Variants in TULP4 observed in about 807,000 individuals in gnomAD.
The protein encoded by TULP4 is tubby-related protein 4.
Under a neutral mutation model 129.0 loss-of-function variants are expected in TULP4, and 16 were observed. The ratio of observed to expected loss-of-function variants is 0.12; its 90% CI spans 0.08 to 0.19. The LOEUF is 0.19. TULP4 is among the 10% of genes least tolerant of loss of function. TULP4 has a pLI of 1.00. For missense variants in TULP4, 1,842 were observed against 2,059.1 expected (o/e 0.89, Z 2.04); for synonymous variants, 998 against 854.0 (o/e 1.17, Z -2.94).
At chr6:158,462,894 T>A (rs868316243) in intron 6 of TULP4, among the ~76,000 whole-genome samples, 1 of 151,720 alleles carries the variant, frequency 6.6e-6, no homozygotes, top group Non-Finnish European at 1.5e-5. Context: ...GGATTACAGG[T>A]GCCCGCCACC....
chr6:158,308,458 C>A (rs1453109044), upstream of TULP4, among the ~76,000 whole-genome samples: 2 of 151,970 alleles, frequency 1.3e-5, no homozygotes, highest in South Asian at 4.1e-4. Context: ...ACCTTTCCCC[C>A]CTTTCTATTC....
At position 158,449,061 on chromosome 6, in the gene TULP4, C is replaced by T. The variant is rs369225425; in HGVS notation, c.609C>T (p.His203=). 36 of 1,613,920 alleles carry T rather than the reference C, an allele frequency of 2.2e-5. No homozygotes were observed. The highest frequency in any genetic ancestry group is 9.3e-5 in the African/African-American group (7 of 74,928). Residue 203 remains histidine, a synonymous_variant, in exon 4 of 14, where the codon CAC becomes CAT. Coordinates refer to ENST00000367097, the MANE Select transcript of TULP4 (RefSeq NM_020245.5). Reference sequence around the variant, plus strand: ...ATTGCCACGGCAGAATGCTGGCCCACGTCCTCTTGCACGAGTCAGACGGTG... The same window carrying T: ...ATTGCCACGGCAGAATGCTGGCCCATGTCCTCTTGCACGAGTCAGACGGTG... ...VMDCHGRMLA[H]VLLHESDGVL...
intron 1 of TULP4, chr6:158,237,320 A>C (rs1054194418): frequency 6.2e-7 from 1 of 1,604,164 alleles, no homozygotes; most frequent in Non-Finnish European, 8.5e-7. Context: ...AACAGCCTTC[A>C]ACAAGAATAT....
chr6:158,374,057 T>C (rs923197020), intron 1 of TULP4, among the ~76,000 whole-genome samples: 1 of 152,248 alleles, frequency 6.6e-6, no homozygotes, highest in Non-Finnish European at 1.5e-5. Context: ...TCTTGACTTA[T>C]TTTAATAGTG....
In TULP4 at chr6:158,502,159, CCCTCCA is replaced by C; in HGVS notation, c.2499_2504del (p.Pro835_Pro836del). 6.3e-7 allele frequency: 1 copy of C among 1,582,190 alleles called. No homozygotes were observed. Among genetic ancestry groups the C allele is most frequent in the Non-Finnish European group, 8.6e-7 (1 of 1,164,704 alleles). On this transcript the variant is annotated inframe_deletion, in exon 13 of 14. Coordinates refer to ENST00000367097, the MANE Select transcript of TULP4 (RefSeq NM_020245.5). ...AGGAGGTCCAGGTGACGAAGATAAA[CCCTCCA>C]CCCCCGTACCCAGGAACCATCCCCG... is the stretch of plus-strand genomic sequence containing the variant.
At position 158,501,544 on chromosome 6, in the gene TULP4, G is replaced by T. The variant is rs909480534; in HGVS notation, c.2015-134G>T. On this transcript the variant is annotated intron_variant, in intron 12 of 13. Coordinates refer to ENST00000367097, the MANE Select transcript of TULP4 (RefSeq NM_020245.5). ...CGAGCAGGCCAGCTTTCCCCAAGCA[G>T]ACACGTCTCTGTCTCTGGCAATTTG... 3.4e-5 allele frequency: 30 copies of T among 892,474 alleles called. No homozygotes were observed. The Middle Eastern group carries it at 1.7e-3, about 51-fold the overall frequency. The allele number at this position is 892,474 out of a possible 1,614,324, so 55.3% of individuals were successfully genotyped here. A position where few individuals can be genotyped will look rare whatever the true frequency, so the allele number is the denominator to read the frequency against.
At chr6:158,300,094 C>G (rs933277102) in intron 1 of TULP4, among the ~76,000 whole-genome samples, 2 of 152,180 alleles carry the variant, frequency 1.3e-5, no homozygotes, top group African/African-American at 4.8e-5. Context: ...CGGCACAGAT[C>G]TCACCAGGTA....
intron 3 of TULP4, among the ~76,000 whole-genome samples, chr6:158,439,692 TAG>T (rs1470396745): frequency 2.1e-5 from 3 of 144,320 alleles, no homozygotes; most frequent in Non-Finnish European, 4.5e-5. Flanking sequence ...GCTCTTGTAC[TAG>T]AGTTTCTTTT....
chr6:158,297,070 G>A (rs555566841), intron 1 of TULP4, among the ~76,000 whole-genome samples: 75 of 152,250 alleles, frequency 4.9e-4, no homozygotes, highest in African/African-American at 1.8e-3. Context: ...TACTGCAGGA[G>A]ACCAGAGTGT....
At chr6:158,286,734 A>G (rs576475477) in intron 1 of TULP4, among the ~76,000 whole-genome samples, 4 of 152,316 alleles carry the variant, frequency 2.6e-5, no homozygotes, top group African/African-American at 7.2e-5. Context: ...ATTATGCTCT[A>G]TGGGTTTATT....
chr6:158,256,352 T>C (rs1160703453), intron 1 of TULP4, among the ~76,000 whole-genome samples: 1 of 152,194 alleles, frequency 6.6e-6, no homozygotes, highest in Non-Finnish European at 1.5e-5. Flanking sequence ...ACGTGGTATG[T>C]ATACTAACAT....
chr6:158,352,571 A>G (rs1780550492), intron 1 of TULP4, among the ~76,000 whole-genome samples: 2 of 151,968 alleles, frequency 1.3e-5, no homozygotes, highest in African/African-American at 4.8e-5. Context: ...TAATTTTTGT[A>G]TTTTTAGTAG....
intron 1 of TULP4, among the ~76,000 whole-genome samples, chr6:158,338,997 ACACTTGGGAAAAAGTCTTG>A (rs1167550829): frequency 3.9e-5 from 6 of 152,342 alleles, no homozygotes; most frequent in South Asian, 4.1e-4. Context: ...ACTGAGTCTT[ACACTTGGGAAAAAGTCTTG>A]CACTTGGGAA....
At chr6:158,402,888 GTTTT>G (rs34604658) in intron 1 of TULP4, among the ~76,000 whole-genome samples, 3 of 127,960 alleles carry the variant, frequency 2.3e-5, no homozygotes, top group African/African-American at 5.7e-5. Flanking sequence ...GGCTTTGGGA[GTTTT>G]TTTTTTTTTT....
chr6:158,503,774 C>T lies in TULP4; in HGVS notation c.4111C>T (p.Leu1371=), dbSNP rs1234944196. ...TAGGACTTTGAGTGACTTTAATTCC[C>T]TAATCTCCAGCCCACACCTGGGGAG... ...EARTLSDFNS[L]ISSPHLGREK... is the part of the protein sequence containing the mutation. Residue 1371 remains leucine (L), a synonymous_variant, in exon 13 of 14, where the codon CTA becomes TTA. Transcript: ENST00000367097. The surrounding 1 kb of genome is among the most constrained non-coding windows in gnomAD (Gnocchi z 4.3). The T allele has an allele frequency of 2.5e-6, 4 of 1,614,110 alleles. No individual in the cohort carries two copies. Among genetic ancestry groups the T allele is most frequent in the Admixed American group, 1.7e-5 (1 of 60,022 alleles).
chr6:158,430,770 G>T (rs1433346241), intron 3 of TULP4, among the ~76,000 whole-genome samples: 1 of 152,092 alleles, frequency 6.6e-6, no homozygotes, highest in Non-Finnish European at 1.5e-5. Context: ...AATTTTTAAA[G>T]TATAAGGATT....
chr6:158,287,043 T>C (rs1212075245), intron 1 of TULP4, among the ~76,000 whole-genome samples: 4 of 152,224 alleles, frequency 2.6e-5, no homozygotes, highest in Non-Finnish European at 5.9e-5. Context: ...GATTCAGTGA[T>C]GAAGGCATTA....
chr6:158,335,383 A>C (rs2114730793), intron 1 of TULP4, among the ~76,000 whole-genome samples: 1 of 152,198 alleles, frequency 6.6e-6, no homozygotes, highest in East Asian at 1.9e-4. Context: ...TAATGTGGTT[A>C]AGTAATTCAT....
intron 1 of TULP4, among the ~76,000 whole-genome samples, chr6:158,303,586 G>A (rs1779164624): frequency 6.6e-6 from 1 of 152,192 alleles, no homozygotes; most frequent in South Asian, 2.1e-4. Flanking sequence ...AAGGCAAAGG[G>A]CAAAAGCAGA....
Sources: gnomAD v4.1 joint callset for allele counts (sites outside exome capture counted in the v4.1 genomes callset) on GRCh38, gnomAD v4.1.1 for gene constraint, Gnocchi (gnomAD v3.1) non-coding constraint, MANE v1.5 for transcripts, NCBI Gene and HGNC (gene_info 2026-07-23, HGNC 2026-07-21) for gene names.